Variants in NINJ2 observed in about 807,000 individuals in gnomAD.
NINJ2 encodes the protein ninjurin-2.
Under a neutral mutation model 11.7 loss-of-function variants are expected in NINJ2, and 12 were observed. That is an observed-to-expected ratio of 1.02 (90% confidence interval 0.66 to 1.66). The LOEUF is 1.66. Among genes scored for constraint, NINJ2 ranks in the 40% most tolerant of loss-of-function variants. The pLI is 0.00. For missense variants in NINJ2, 187 were observed against 181.8 expected, an observed-to-expected ratio of 1.03 and a Z score of -0.16; for synonymous variants, 93 against 76.8, an observed-to-expected ratio of 1.21 and a Z score of -1.10.
intron 1 of NINJ2, among the ~76,000 whole-genome samples, chr12:593,298 T>G (rs1947738827): frequency 6.6e-6 from 1 of 152,136 alleles, no homozygotes; most frequent in Non-Finnish European, 1.5e-5. Flanking sequence ...ACATCAACAT[T>G]TACTACTCAG....
intron 2 of NINJ2, 115 bp downstream of exon 2, chr12:565,835 C>A (rs760926913): frequency 2.0e-4 from 179 of 890,940 alleles, no homozygotes; most frequent in Middle Eastern, 1.3e-3. Flanking sequence ...TGCAGGTCAG[C>A]GTGTGGTTGC....
rs146429516 is a variant in NINJ2, at chr12:660,813, T to C, written c.33+2515A>G. 3.6e-3 allele frequency among the ~76,000 whole-genome samples: 553 copies of C among 152,216 alleles called. 5 individuals carry two copies. Among genetic ancestry groups the C allele is most frequent in the African/African-American group, 0.013 (531 of 41,564 alleles). ...CTGTCTCTACTAAAAATATGAAAAT[T>C]AGCCAAGTGTGGTGGTACATGCCTA... On this transcript the variant is annotated intron_variant, in intron 1 of 3. Coordinates refer to ENST00000305108, the MANE Select transcript of NINJ2 (RefSeq NM_016533.6).
At chr12:611,839 A>G (rs1228382975) in intron 1 of NINJ2, among the ~76,000 whole-genome samples, 2 of 152,224 alleles carry the variant, frequency 1.3e-5, no homozygotes, top group East Asian at 3.8e-4. Flanking sequence ...CGAGGCCATT[A>G]TTACTTGTTG....
At chr12:577,428 T>TATATATATGTATATATATATAC (rs1565621250) in intron 1 of NINJ2, among the ~76,000 whole-genome samples, 17 of 133,970 alleles carry the variant, frequency 1.3e-4, no homozygotes, top group African/African-American at 4.6e-4. Flanking sequence ...TATATATATA[T>TATATATATGTATATATATATAC]ACATATATAT....
chr12:645,476 A>G (rs1052185892), intron 1 of NINJ2: 2 of 152,228 alleles, frequency 1.3e-5, no homozygotes, highest in African/African-American at 4.8e-5. Context: ...AACAGAGGGT[A>G]GAATAAATTA....
At chr12:632,460 T>G (rs1006588043) in intron 1 of NINJ2, 2 of 152,216 alleles carry the variant, frequency 1.3e-5, no homozygotes, top group Non-Finnish European at 2.9e-5. Context: ...TCTTCAGCCC[T>G]GCACTCTGGA....
In NINJ2 at chr12:628,646, C is replaced by T. The variant is rs1948235708; in HGVS notation, c.33+34682G>A. On this transcript the variant is annotated intron_variant, in intron 1 of 3. Transcript: ENST00000305108. The surrounding 1 kb of genome is among the most constrained non-coding windows in gnomAD (Gnocchi z 4.4). ...TCCCAGGAGGTTAGGCATTCTTAGT[C>T]ACAGGATGAGATAGGAGGTCAGCAC... Among the ~76,000 whole-genome samples the T allele has an allele frequency of 6.6e-6, 1 of 152,052 alleles. No individual in the cohort carries two copies. Among genetic ancestry groups the T allele is most frequent in the Non-Finnish European group, 1.5e-5 (1 of 67,996 alleles).
intron 1 of NINJ2, among the ~76,000 whole-genome samples, chr12:658,643 CTATTATGCTATGCTA>C (rs1353636141): frequency 6.8e-6 from 1 of 147,176 alleles, no homozygotes; most frequent in Non-Finnish European, 1.5e-5. Context: ...TGAAACTTCT[CTATTATGCTATGCTA>C]TGCTATGCTA....
chr12:581,077 CT>C lies in NINJ2; in HGVS notation c.34-14900del, dbSNP rs1565622871. ...TCTGTGTGTGCGTGTCTCTGTGCCT[CT>C]GTGTGTGTGTGCATGTGTCTCTGTG... On this transcript the variant is annotated intron_variant, in intron 1 of 3. Coordinates refer to ENST00000305108, the MANE Select transcript of NINJ2 (RefSeq NM_016533.6). The surrounding 1 kb of genome is among the most constrained non-coding windows in gnomAD (Gnocchi z 4.9). 6.9e-6 allele frequency among the ~76,000 whole-genome samples: 1 copy of C among 144,230 alleles called. No homozygotes were observed. Among genetic ancestry groups the C allele is most frequent in the Non-Finnish European group, 1.5e-5 (1 of 66,306 alleles). 94.6% of individuals were successfully genotyped at this position (144,230 alleles called of 152,430 possible).
chr12:642,226 G>A (rs1254187817), intron 1 of NINJ2, among the ~76,000 whole-genome samples: 1 of 152,148 alleles, frequency 6.6e-6, no homozygotes, highest in East Asian at 1.9e-4. Flanking sequence ...TGCCTGCTTC[G>A]TACAAAGGGC....
chr12:649,231 G>A (rs1937747872), intron 1 of NINJ2, among the ~76,000 whole-genome samples: 1 of 151,872 alleles, frequency 6.6e-6, no homozygotes, highest in African/African-American at 2.4e-5. Flanking sequence ...ATTTTTAGTA[G>A]AGACGGGGTT....
At chr12:636,796 G>C (rs1036933928) in intron 1 of NINJ2, among the ~76,000 whole-genome samples, 1 of 152,198 alleles carries the variant, frequency 6.6e-6, no homozygotes, top group African/African-American at 2.4e-5. Flanking sequence ...TGGTGAGAAC[G>C]TAAATGATGC....
chr12:622,402 T>A (rs1592102885), intron 1 of NINJ2, among the ~76,000 whole-genome samples: 1 of 84,246 alleles, frequency 1.2e-5, no homozygotes, highest in Non-Finnish European at 2.0e-5. Flanking sequence ...AGAGTGAGAC[T>A]CCGTCTCAAA....
At chr12:570,875 TGA>T (rs375815875) in intron 1 of NINJ2, among the ~76,000 whole-genome samples, 10 of 152,228 alleles carry the variant, frequency 6.6e-5, no homozygotes, top group African/African-American at 2.4e-4. Flanking sequence ...ACTTTGGTGC[TGA>T]GTTTCCACAT....
chr12:648,462 C>A (rs73037137), intron 1 of NINJ2, among the ~76,000 whole-genome samples: 5 of 152,340 alleles, frequency 3.3e-5, no homozygotes, highest in Non-Finnish European at 7.3e-5. Flanking sequence ...AGTTAAACAT[C>A]ACACGTCTCT....
intron 1 of NINJ2, among the ~76,000 whole-genome samples, chr12:589,153 G>A (rs1009435640): frequency 3.3e-5 from 5 of 152,174 alleles, no homozygotes; most frequent in Non-Finnish European, 2.9e-5. Context: ...GTAATCAAGG[G>A]TGTGTGGGCT....
intron 1 of NINJ2, among the ~76,000 whole-genome samples, chr12:657,819 C>T (rs894459378): frequency 6.6e-6 from 1 of 152,110 alleles, no homozygotes; most frequent in African/African-American, 2.4e-5. Context: ...GAATGTGGAA[C>T]ACCTATTCAT....
intron 1 of NINJ2, among the ~76,000 whole-genome samples, chr12:641,569 G>C (rs1438106761): frequency 1.3e-5 from 2 of 152,196 alleles, no homozygotes; most frequent in Non-Finnish European, 2.9e-5. Context: ...GGCCGGGCGC[G>C]GTGGCTCACA....
intron 1 of NINJ2, among the ~76,000 whole-genome samples, chr12:660,097 CA>C (rs1385305998): frequency 6.6e-6 from 1 of 150,902 alleles, no homozygotes; most frequent in Non-Finnish European, 1.5e-5. Context: ...CCAGCCTGGG[CA>C]ATACAGTGAG....
Sources: allele counts gnomAD v4.1 joint callset (sites outside exome capture counted in the v4.1 genomes callset), GRCh38; gene constraint gnomAD v4.1.1; non-coding constraint Gnocchi (gnomAD v3.1); transcripts MANE v1.5; gene names NCBI Gene and HGNC (gene_info 2026-07-23, HGNC 2026-07-21).